The following MYH11 variants were observed in gnomAD, a reference collection of about 807,000 sequenced individuals.
MYH11 encodes the protein myosin-11.
Under a neutral mutation model 246.6 loss-of-function variants are expected in MYH11, and 80 were observed. The observed-to-expected ratio is 0.32, with a 90% CI of 0.27 to 0.39. The LOEUF is 0.39. Ranked by LOEUF, MYH11 falls within the 10% of genes least tolerant of loss-of-function variation. The pLI is 1.00. For missense variants in MYH11, 2,158 were observed against 2,546.8 expected, an observed-to-expected ratio of 0.85 and a Z score of 3.29; for synonymous variants, 1,071 against 1,015.5, an observed-to-expected ratio of 1.05 and a Z score of -1.04.
intron 40 of MYH11, among the ~76,000 whole-genome samples, chr16:15,705,634 T>G (rs1282200628): frequency 6.6e-6 from 1 of 151,978 alleles, no homozygotes; most frequent in Admixed American, 6.6e-5. Context: ...CACGCAAGGG[T>G]TGGATAAGAA....
chr16:15,759,672 C>G lies in MYH11; in HGVS notation c.1305G>C (p.Trp435Cys). The change falls in exon 12 of 41, where the codon TGG becomes TGC. Residue 435 changes from tryptophan (W) to cysteine (C), a missense_variant. Physicochemically the swap from Trp to Cys is radical, Grantham distance 215. Coordinates refer to ENST00000300036, the MANE Select transcript of MYH11 (RefSeq NM_002474.3). ...GGGCTTTGTTCACGCGGGTGAGTAT[C>G]CAGCGGAAAAGGCGCTCATATGTTG... ...AKATYERLFR[W>C]ILTRVNKALD... The G allele has an allele frequency of 6.2e-7, 1 of 1,614,182 alleles. No homozygotes were observed. Among genetic ancestry groups the G allele is most frequent in the Non-Finnish European group, 8.5e-7 (1 of 1,180,036 alleles).
intron 4 of MYH11, among the ~76,000 whole-genome samples, chr16:15,793,470 T>C (rs2151315866): frequency 6.6e-6 from 1 of 152,136 alleles, no homozygotes; most frequent in South Asian, 2.1e-4. Flanking sequence ...TTTTTAAATT[T>C]TTTGTAGTAA....
chr16:15,810,724 C>T (rs2043120117), intron 3 of MYH11, among the ~76,000 whole-genome samples: 1 of 152,208 alleles, frequency 6.6e-6, no homozygotes, highest in African/African-American at 2.4e-5. Flanking sequence ...GTTTCCTCAC[C>T]AGGGAAATCG....
In MYH11 at chr16:15,725,825, T is replaced by G. The variant is rs569828305; in HGVS notation, c.3859-833A>C. 1.5e-5 allele frequency: 6 copies of G among 397,486 alleles called. No individual in the cohort carries two copies. In the South Asian group the frequency reaches 7.9e-4, roughly 52 times the overall value. 24.6% of individuals were successfully genotyped at this position (397,486 alleles called of 1,614,324 possible). On this transcript the variant is annotated intron_variant, in intron 28 of 40. Coordinates refer to ENST00000300036, the MANE Select transcript of MYH11 (RefSeq NM_002474.3). The stretch of plus-strand genomic sequence containing the variant: ...GAAGACCAAAGACAAAAAGACCATG[T>G]CATTCAGCAGCTTAAAACCCCTCAA...
At chr16:15,790,643 G>C (rs142746914) in intron 4 of MYH11, among the ~76,000 whole-genome samples, 1 of 152,290 alleles carries the variant, frequency 6.6e-6, no homozygotes, top group East Asian at 1.9e-4. Flanking sequence ...TTCCTGGTCT[G>C]AGCACCCTAA....
intron 40 of MYH11, chr16:15,708,840 C>T (rs1361564509): frequency 3.7e-6 from 6 of 1,609,936 alleles, no homozygotes; most frequent in Non-Finnish European, 4.2e-6. Flanking sequence ...GGGGGGGGCC[C>T]TCTGAAACAG....
intron 15 of MYH11, among the ~76,000 whole-genome samples, chr16:15,751,713 G>A (rs2041577979): frequency 6.7e-6 from 1 of 150,250 alleles, no homozygotes; most frequent in African/African-American, 2.5e-5. Flanking sequence ...CCCAGGTTCA[G>A]GTGATTCTCC....
intron 40 of MYH11, among the ~76,000 whole-genome samples, 161 bp from the exon 41 acceptor site, chr16:15,704,284 A>G (rs1352125391): frequency 6.6e-6 from 1 of 152,226 alleles, no homozygotes; most frequent in East Asian, 1.9e-4. Context: ...CAGATATTCA[A>G]GTTGAAGTCA....
rs2040044275 is a variant in MYH11 at position 15,715,051 on chromosome 16, G to A, written c.5644C>T (p.Leu1882Phe). Residue 1882 changes from leucine to phenylalanine, a missense_variant, in exon 40 of 41, where the codon CTC (leucine) becomes TTC (phenylalanine). Coordinates refer to ENST00000300036, the MANE Select transcript of MYH11 (RefSeq NM_002474.3). ...AEKGNARVKQ[L>F]KRQLEEAEEE... is the part of the protein sequence containing the mutation. ...TCTGCCTCCTCCAGCTGCCTCTTGA[G>A]CTGCTTGACCCTGGCATTGCCTTTC... The A allele has an allele frequency of 6.2e-7, 1 of 1,613,616 alleles. No homozygotes were observed. The highest frequency in any genetic ancestry group is 8.5e-7 in the Non-Finnish European group (1 of 1,180,016).
intron 3 of MYH11, among the ~76,000 whole-genome samples, chr16:15,799,055 C>T (rs756279055): frequency 9.2e-5 from 14 of 152,196 alleles, no homozygotes; most frequent in Non-Finnish European, 1.8e-4. Context: ...GCCACTTCTC[C>T]GCTCTGTGGC....
In MYH11 at chr16:15,735,508, C is replaced by G. The variant is rs2041091293; in HGVS notation, c.3364G>C (p.Asp1122His). The change falls in exon 26 of 41, where the codon GAC becomes CAC. Residue 1122 changes from aspartate (D) to histidine (H), a missense_variant. Physicochemically the swap from Asp to His is moderately conservative, Grantham distance 81. This residue lies in a region of MYH11 where 284 missense variants were observed against 315.4 expected (regional missense o/e 0.90). Coordinates refer to ENST00000300036, the MANE Select transcript of MYH11 (RefSeq NM_002474.3). Reference sequence around the variant, plus strand: ...TCTGAGTCCAGGTCCTCCTGGAGGTCTGAGATGTGGCCCTCCAGCTCCCGG... The same window carrying G: ...TCTGAGTCCAGGTCCTCCTGGAGGTGTGAGATGTGGCCCTCCAGCTCCCGG... ...KIRELEGHISDLQEDLDSERA... is the reference protein window; with the variant it reads ...KIRELEGHISHLQEDLDSERA... 6.2e-7 allele frequency: 1 copy of G among 1,614,134 alleles called. No individual in the cohort carries two copies. The highest frequency in any genetic ancestry group is 8.5e-7 in the Non-Finnish European group (1 of 1,180,034).
intron 16 of MYH11, chr16:15,749,602 G>C (rs1412400197): frequency 6.1e-6 from 1 of 163,394 alleles, no homozygotes; most frequent in African/African-American, 2.4e-5. Flanking sequence ...CATAACCTCA[G>C]CACTACTGGC....
intron 5 of MYH11, among the ~76,000 whole-genome samples, chr16:15,783,931 G>C (rs1178379528): frequency 6.6e-6 from 1 of 152,086 alleles, no homozygotes; most frequent in African/African-American, 2.4e-5. Context: ...TAACTAAGAT[G>C]GATTGAATGA....
At chr16:15,760,510 T>C in intron 11 of MYH11, 30 bp downstream of exon 11, 1 of 1,493,750 alleles carries the variant, frequency 6.7e-7, no homozygotes. Context: ...GGTGGGTGCA[T>C]GGATGGATAA....
At chr16:15,782,837 G>A (rs2042387709) in intron 5 of MYH11, 1 of 296,036 alleles carries the variant, frequency 3.4e-6, no homozygotes, top group African/African-American at 2.2e-5. Flanking sequence ...TGCACCACCT[G>A]TCCCACTGTA....
chr16:15,838,012 G>A lies in MYH11; in HGVS notation c.241C>T (p.Pro81Ser), dbSNP rs764413626. Residue 81 changes from proline to serine, a missense_variant, in exon 2 of 41, where the codon CCA (proline) becomes TCA (serine). Pro to Ser is a moderately conservative substitution (Grantham distance 74). This residue lies in a region of MYH11 where 36 missense variants were observed against 73.9 expected (regional missense o/e 0.49). Coordinates refer to ENST00000300036, the MANE Select transcript of MYH11 (RefSeq NM_002474.3). ...TCCTCCACCTTGGAGAACTTGGGTG[G>A]GTTCATCTTCTGGATGTCATCTTTC... ...VGKDDIQKMN[P>S]PKFSKVEDMA... is the part of the protein sequence containing the mutation. The A allele has an allele frequency of 6.2e-7, 1 of 1,614,080 alleles. No homozygotes were observed. The highest frequency in any genetic ancestry group is 1.7e-5 in the Admixed American group (1 of 60,008).
chr16:15,721,262 C>T (rs2040463068), intron 32 of MYH11, 160 bp downstream of exon 32: 1 of 966,860 alleles, frequency 1.0e-6, no homozygotes, highest in East Asian at 2.6e-5. Flanking sequence ...CTGCCATTCT[C>T]AGCCCCTCCC....
At position 15,843,506 on chromosome 16, in the gene MYH11, C is replaced by T. The variant is rs542975883; in HGVS notation, c.-17-5237G>A. On this transcript the variant is annotated intron_variant, in intron 1 of 40. Transcript: ENST00000300036. The stretch of plus-strand genomic sequence containing the variant: ...GAGATCGAGACCATCCTGGCTAACA[C>T]GGCAAAACCCTGTCTCTACTAAAAA... Among the ~76,000 whole-genome samples, 408 of 148,030 alleles carry T rather than the reference C, an allele frequency of 2.8e-3. 2 individuals carry two copies. The highest frequency in any genetic ancestry group is 9.7e-3 in the African/African-American group (388 of 40,074).
chr16:15,786,773 G>C, intron 4 of MYH11, 41 bp from the exon 5 acceptor site: 1 of 1,560,726 alleles, frequency 6.4e-7, no homozygotes, highest in Non-Finnish European at 8.8e-7. Flanking sequence ...ACGTTCCATG[G>C]TGACCTTTCC....
Sources: allele counts gnomAD v4.1 joint callset (sites outside exome capture counted in the v4.1 genomes callset), GRCh38; gene constraint gnomAD v4.1.1; regional missense constraint gnomAD v4.1.1; transcripts MANE v1.5; gene names NCBI Gene and HGNC (gene_info 2026-07-23, HGNC 2026-07-21).